ZSCAN12: variants seen among roughly 807,000 people sequenced by gnomAD.
The protein encoded by ZSCAN12 is zinc finger and SCAN domain containing 12.
In ZSCAN12, 18 loss-of-function variants were observed where a neutral mutation model predicts 23.4. The ratio of observed to expected loss-of-function variants is 0.77; its 90% CI spans 0.53 to 1.14. The LOEUF (loss-of-function observed/expected upper bound fraction) is 1.14, where lower values mean the gene tolerates loss of function less well. Ranked by LOEUF, ZSCAN12 falls within the 50% of genes most tolerant of loss-of-function variation. ZSCAN12 has a pLI of 0.00. For missense variants in ZSCAN12, 650 were observed against 735.0 expected, an observed-to-expected ratio of 0.88 and a Z score of 1.34; for synonymous variants, 186 against 253.4, an observed-to-expected ratio of 0.73 and a Z score of 2.53.
In ZSCAN12 at chr6:28,388,479, G is replaced by A. The variant is rs1412263423; in HGVS notation, c.*1975C>T. 6.6e-6 allele frequency among the ~76,000 whole-genome samples: 1 copy of A among 152,100 alleles called. No individual in the cohort carries two copies. The highest frequency in any genetic ancestry group is 2.4e-5 in the African/African-American group (1 of 41,418). ...ATAATATTCCTATAGGACCAGAGAC[G>A]CTTCTAGTTCCAACCCAGGGATGAA... is the stretch of plus-strand genomic sequence containing the variant. On this transcript the variant is annotated 3_prime_UTR_variant, in exon 4 of 4. Coordinates refer to ENST00000684592, the MANE Select transcript of ZSCAN12 (RefSeq NM_001163391.2).
At chr6:28,396,250 A>G (rs78680299) in intron 2 of ZSCAN12, among the ~76,000 whole-genome samples, 2 of 151,088 alleles carry the variant, frequency 1.3e-5, no homozygotes, top group Non-Finnish European at 3.0e-5. Flanking sequence ...TTAATTTACT[A>G]TCTGTCTCAG....
rs1484211156 is a variant in ZSCAN12 at position 28,386,757 on chromosome 6, C to T, written c.*3697G>A. ...ACCTGGAAATTCCATGTCACTCCAC[C>T]TTTTTTTGGTACTACAACTGTATTT... On this transcript the variant is annotated 3_prime_UTR_variant, in exon 4 of 4. Coordinates refer to ENST00000684592, the MANE Select transcript of ZSCAN12 (RefSeq NM_001163391.2). Among the ~76,000 whole-genome samples the T allele has an allele frequency of 6.6e-6, 1 of 152,172 alleles. No individual in the cohort carries two copies. Among genetic ancestry groups the T allele is most frequent in the Non-Finnish European group, 1.5e-5 (1 of 68,026 alleles).
intron 2 of ZSCAN12, 27 bp downstream of exon 2, chr6:28,397,977 A>T (rs1301116827): frequency 2.0e-6 from 3 of 1,529,808 alleles, no homozygotes; most frequent in Non-Finnish European, 2.6e-6. Context: ...ATGTTTTCTC[A>T]AGCAGAAGTC....
intron 1 of ZSCAN12, 136 bp from the exon 2 acceptor site, chr6:28,398,609 G>T: frequency 1.9e-6 from 1 of 523,516 alleles, no homozygotes; most frequent in African/African-American, 1.9e-5. Flanking sequence ...TACTCTGATA[G>T]AAAAGACTTA....
In ZSCAN12 at chr6:28,387,226, A is replaced by G. The variant is rs772127156; in HGVS notation, c.*3228T>C. Among the ~76,000 whole-genome samples the G allele has an allele frequency of 3.3e-5, 5 of 152,212 alleles. No homozygotes were observed. The highest frequency in any genetic ancestry group is 7.3e-5 in the Non-Finnish European group (5 of 68,036). ...ATGGTCCCTTTATAATATTAGGTAT[A>G]TAAGAAAGATTAAGTAGTGTGCAGA... On this transcript the variant is annotated 3_prime_UTR_variant, in exon 4 of 4. Transcript: ENST00000684592.
At chr6:28,397,722 G>A (rs1417614311) in intron 2 of ZSCAN12, among the ~76,000 whole-genome samples, 1 of 152,166 alleles carries the variant, frequency 6.6e-6, no homozygotes. Context: ...TCCTGCTACT[G>A]TCATCTCTTT....
chr6:28,382,262 C>T, downstream of ZSCAN12: 3 of 491,068 alleles, frequency 6.1e-6, no homozygotes, highest in East Asian at 1.1e-4. Context: ...TATTTCTGGT[C>T]TCAGGAACTA....
downstream of ZSCAN12, chr6:28,380,306 G>A (rs1424755119): frequency 2.6e-5 from 4 of 152,044 alleles, no homozygotes; most frequent in Non-Finnish European, 4.4e-5. Context: ...AGACTTTTCC[G>A]TACTCATCAC....
Position 28,390,706 on chromosome 6 carries a change from A to C in ZSCAN12, c.1584T>G (p.Asp528Glu), listed in dbSNP as rs1760772264. The part of the protein sequence containing the change: ...IHTGERPYKC[D>E]ECGNAFRGIT... ...TTCCTCGGAAGGCATTCCCACACTC[A>C]TCACACTTGTAGGGCCTCTCTCCAG... is the stretch of plus-strand genomic sequence containing the variant. The change falls in exon 4 of 4, where the codon GAT becomes GAG. Residue 528 changes from aspartate to glutamate, a missense_variant. Transcript: ENST00000684592. 6.2e-7 allele frequency: 1 copy of C among 1,612,648 alleles called. No individual in the cohort carries two copies. The highest frequency in any genetic ancestry group is 8.5e-7 in the Non-Finnish European group (1 of 1,179,366).
chr6:28,389,534 G>A lies in ZSCAN12; in HGVS notation c.*920C>T, dbSNP rs1581771337. On this transcript the variant is annotated 3_prime_UTR_variant, in exon 4 of 4. Coordinates refer to ENST00000684592, the MANE Select transcript of ZSCAN12 (RefSeq NM_001163391.2). ...TTTTAAAGTATATTAAGTAACTGTG[G>A]AGCTATAAAAATGAAGATTCTCAAC... Among the ~76,000 whole-genome samples, 1 of 152,118 alleles carries A rather than the reference G, an allele frequency of 6.6e-6. No homozygotes were observed. Among genetic ancestry groups the A allele is most frequent in the Non-Finnish European group, 1.5e-5 (1 of 68,020 alleles).
rs766787370 is a variant in ZSCAN12 at position 28,386,803 on chromosome 6, A to G, written c.*3651T>C. On this transcript the variant is annotated 3_prime_UTR_variant, in exon 4 of 4. Coordinates refer to ENST00000684592, the MANE Select transcript of ZSCAN12 (RefSeq NM_001163391.2). ...TATTTAAGCATGAGAAATAACCAGA[A>G]CAAAACCCCCACGTGTATTTTTATT... is the stretch of plus-strand genomic sequence containing the variant. Among the ~76,000 whole-genome samples, 25 of 152,310 alleles carry G rather than the reference A, an allele frequency of 1.6e-4. No homozygotes were observed. The highest frequency in any genetic ancestry group is 3.4e-3 in the Middle Eastern group (1 of 294).
In ZSCAN12 at chr6:28,391,639, CAT is replaced by C. The variant is rs1158724783; in HGVS notation, c.649_650del (p.Met217ValfsTer5). On this transcript the variant is annotated frameshift_variant, in exon 4 of 4. Coordinates refer to ENST00000684592, the MANE Select transcript of ZSCAN12 (RefSeq NM_001163391.2). LOFTEE classifies it low-confidence loss of function (END_TRUNC). The surrounding 1 kb of genome is among the most constrained non-coding windows in gnomAD (Gnocchi z 4.1). ...TTTCTCCACACCTAGCAGACTTGGA[CAT>C]ATCATTTTCAAATTTACTGGATGTC... ...GKTSSKFENDMSKSARCGETR... is the reference protein window; with the variant it reads ...GKTSSKFENDXSKSARCGETR... 1.3e-6 allele frequency: 2 copies of C among 1,552,032 alleles called. No homozygotes were observed. The highest frequency in any genetic ancestry group is 2.4e-5 in the South Asian group (2 of 84,038).
chr6:28,398,761 CAAAAAAAAAAA>C (rs775480746), intron 1 of ZSCAN12, among the ~76,000 whole-genome samples: 1 of 72,784 alleles, frequency 1.4e-5, no homozygotes, highest in Admixed American at 1.6e-4. Flanking sequence ...ACTAAAAATA[CAAAAAAAAAAA>C]AAAAAAAAAA....
chr6:28,390,365 A>G lies in ZSCAN12; in HGVS notation c.*89T>C, dbSNP rs1254014854. ...AAATATCTGAGGTTTCCTTATAACA[A>G]TGGTGACTGAAGTTTTGCCCCAATA... is the stretch of plus-strand genomic sequence containing the variant. On this transcript the variant is annotated 3_prime_UTR_variant, in exon 4 of 4. Transcript: ENST00000684592. The G allele has an allele frequency of 9.4e-7, 1 of 1,063,354 alleles. No homozygotes were observed. The highest frequency in any genetic ancestry group is 1.6e-5 in the African/African-American group (1 of 62,142). 65.9% of individuals were successfully genotyped at this position (1,063,354 alleles called of 1,614,324 possible).
chr6:28,381,291 C>A (rs1336753610), downstream of ZSCAN12: 1 of 152,188 alleles, frequency 6.6e-6, no homozygotes, highest in Non-Finnish European at 1.5e-5. Flanking sequence ...TATAAACCTA[C>A]AGAATGTTCA....
At chr6:28,383,201 ACTTTC>A (rs1760367222), downstream of ZSCAN12, among the ~76,000 whole-genome samples, 12 of 152,256 alleles carry the variant, frequency 7.9e-5, no homozygotes, top group Admixed American at 7.8e-4. Context: ...AATGAACCCA[ACTTTC>A]CTTTCACCAA....
Position 28,390,831 on chromosome 6 carries a change from G to A in ZSCAN12, c.1459C>T (p.His487Tyr), listed in dbSNP as rs769781248. The change falls in exon 4 of 4, where the codon CAT (histidine) becomes TAT (tyrosine). Residue 487 changes from histidine to tyrosine, a missense_variant. Transcript: ENST00000684592. ...AFIQRTSLTE[H>Y]QRIHTGERPY... ...CTTTCTCCAGTGTGAATTCGCTGAT[G>A]TTCTGTAAGACTTGTCCTTTGAATA... is the stretch of plus-strand genomic sequence containing the variant. The A allele has an allele frequency of 8.1e-6, 13 of 1,595,396 alleles. No homozygotes were observed. The highest frequency in any genetic ancestry group is 1.8e-5 in the Admixed American group (1 of 56,686).
Position 28,389,471 on chromosome 6 carries a change from C to T in ZSCAN12, c.*983G>A, listed in dbSNP as rs1016848307. ...CAGGCTTCCCCACTTCGCAGACAGC[C>T]ATGAAGTCAGCTGTCATTCAACTCA... On this transcript the variant is annotated 3_prime_UTR_variant, in exon 4 of 4. Transcript: ENST00000684592. Among the ~76,000 whole-genome samples the T allele has an allele frequency of 5.3e-5, 8 of 152,184 alleles. No individual in the cohort carries two copies. Among genetic ancestry groups the T allele is most frequent in the Non-Finnish European group, 1.0e-4 (7 of 68,038 alleles).
chr6:28,388,032 G>C lies in ZSCAN12; in HGVS notation c.*2422C>G, dbSNP rs758455902. On this transcript the variant is annotated 3_prime_UTR_variant, in exon 4 of 4. Coordinates refer to ENST00000684592, the MANE Select transcript of ZSCAN12 (RefSeq NM_001163391.2). ...TGGAGCCGCAAGCAGCTGAACCTTG[G>C]TTTGGTTACAAGTTTGCATTCTCAT... Among the ~76,000 whole-genome samples, 19 of 152,148 alleles carry C rather than the reference G, an allele frequency of 1.2e-4. No homozygotes were observed. The highest frequency in any genetic ancestry group is 2.4e-4 in the Non-Finnish European group (16 of 68,028).
Sources: gnomAD v4.1 joint callset for allele counts (sites outside exome capture counted in the v4.1 genomes callset) on GRCh38, gnomAD v4.1.1 for gene constraint, Gnocchi (gnomAD v3.1) non-coding constraint, MANE v1.5 for transcripts, NCBI Gene and HGNC (gene_info 2026-07-23, HGNC 2026-07-21) for gene names.